Variants in CDH9 observed in about 807,000 individuals in gnomAD.
The protein encoded by CDH9 is cadherin 9.
A neutral mutation model predicts 70.9 loss-of-function variants in CDH9; 28 were observed. That is an observed-to-expected ratio of 0.40 (90% CI 0.29 to 0.54). The LOEUF (loss-of-function observed/expected upper bound fraction) is 0.54, where lower values mean the gene tolerates loss of function less well. Among genes scored for constraint, CDH9 ranks in the 20% least tolerant of loss-of-function variants. CDH9 has a pLI of 0.59. For synonymous variants in CDH9, 409 were observed against 343.1 expected, an observed-to-expected ratio of 1.19 and a Z score of -2.12; for missense variants, 874 against 984.4, an observed-to-expected ratio of 0.89 and a Z score of 1.50.
intron 9 of CDH9, among the ~76,000 whole-genome samples, chr5:26,887,106 A>G (rs1355915634): frequency 6.6e-6 from 1 of 152,198 alleles, no homozygotes; most frequent in Admixed American, 6.6e-5. Flanking sequence ...TATATTAATG[A>G]TAATTACATC....
chr5:26,915,413 ACTG>A (rs1741131155), intron 3 of CDH9, among the ~76,000 whole-genome samples: 2 of 152,142 alleles, frequency 1.3e-5, no homozygotes, highest in East Asian at 3.9e-4. Flanking sequence ...AAATGAATTA[ACTG>A]CTATTGATAA....
intron 8 of CDH9, 94 bp from the exon 9 acceptor site, chr5:26,890,051 T>G: frequency 8.7e-7 from 1 of 1,147,160 alleles, no homozygotes; most frequent in Non-Finnish European, 1.3e-6. Context: ...ATCCTTTTTG[T>G]GGTGTTCACT....
intron 2 of CDH9, among the ~76,000 whole-genome samples, chr5:26,932,549 A>G (rs1423681545): frequency 6.6e-6 from 1 of 152,120 alleles, no homozygotes; most frequent in Non-Finnish European, 1.5e-5. Context: ...TCATTATGTA[A>G]TGTTCCAACT....
At chr5:26,968,376 C>A (rs1164802319) in intron 2 of CDH9, among the ~76,000 whole-genome samples, 7 of 152,030 alleles carry the variant, frequency 4.6e-5, no homozygotes, top group Admixed American at 2.0e-4. Context: ...ACCTCCACAT[C>A]TCAGGTTCAA....
chr5:26,965,574 TTAATAATAA>T (rs59563835), intron 2 of CDH9, among the ~76,000 whole-genome samples: 7 of 146,734 alleles, frequency 4.8e-5, no homozygotes, highest in East Asian at 2.0e-4. Flanking sequence ...AGACTCTGTC[TTAATAATAA>T]TAATAATAAT....
intron 2 of CDH9, among the ~76,000 whole-genome samples, chr5:26,976,430 A>C (rs936157415): frequency 1.3e-5 from 2 of 151,158 alleles, no homozygotes; most frequent in Non-Finnish European, 2.9e-5. Context: ...AGGTTATTTT[A>C]CAGTCCTCTA....
chr5:26,933,791 T>C (rs535601514), intron 2 of CDH9, among the ~76,000 whole-genome samples: 92 of 150,060 alleles, frequency 6.1e-4, no homozygotes, highest in African/African-American at 2.2e-3. Flanking sequence ...TAAAATAAAA[T>C]AAAATAAAAT....
At chr5:26,930,462 G>A (rs9293252) in intron 2 of CDH9, among the ~76,000 whole-genome samples, 14,569 of 151,882 alleles carry the variant, frequency 0.096, 877 homozygotes, top group East Asian at 0.17. Context: ...CATATATTTG[G>A]GTTTCACATC....
chr5:27,038,339 GT>G (rs1432980671), intron 1 of CDH9, 123 bp downstream of exon 1: 2 of 145,374 alleles, frequency 1.4e-5, no homozygotes, highest in African/African-American at 5.7e-5. Flanking sequence ...GCTTCCAAGT[GT>G]TGAGAGAGAG....
At chr5:26,947,819 C>T (rs1741779159) in intron 2 of CDH9, among the ~76,000 whole-genome samples, 1 of 152,124 alleles carries the variant, frequency 6.6e-6, no homozygotes, top group Non-Finnish European at 1.5e-5. Flanking sequence ...GAATCTCTAG[C>T]CTCCATCACT....
At chr5:26,937,988 T>C (rs892352161) in intron 2 of CDH9, among the ~76,000 whole-genome samples, 3 of 152,112 alleles carry the variant, frequency 2.0e-5, no homozygotes, top group Non-Finnish European at 2.9e-5. Flanking sequence ...CTTTAGTTAA[T>C]AATAATATAG....
intron 1 of CDH9, among the ~76,000 whole-genome samples, chr5:27,014,426 T>C (rs1743011434): frequency 6.6e-6 from 1 of 151,954 alleles, no homozygotes; most frequent in African/African-American, 2.4e-5. Context: ...CTGTGAAAGC[T>C]GGACTTTGAC....
intron 1 of CDH9, among the ~76,000 whole-genome samples, chr5:27,016,466 C>T (rs941315254): frequency 4.0e-5 from 6 of 151,774 alleles, no homozygotes; most frequent in Admixed American, 1.3e-4. Flanking sequence ...TTCCAATATG[C>T]TTAAAATGCA....
chr5:27,010,613 C>A (rs972198428), intron 1 of CDH9, among the ~76,000 whole-genome samples: 10 of 152,120 alleles, frequency 6.6e-5, no homozygotes, highest in African/African-American at 2.4e-4. Context: ...CAGGATCTGC[C>A]TTCCAAGTTA....
In CDH9 at chr5:27,020,749, A is replaced by C. The variant is rs540456731; in HGVS notation, c.-50+17714T>G. Among the ~76,000 whole-genome samples the C allele has an allele frequency of 9.9e-3, 1,397 of 141,648 alleles. 28 individuals carry two copies. The highest frequency in any genetic ancestry group is 0.038 in the African/African-American group (1,318 of 35,050). The allele number at this position is 141,648 out of a possible 152,430, so 92.9% of individuals were successfully genotyped here. A position where few individuals can be genotyped will look rare whatever the true frequency, so the allele number is the denominator to read the frequency against. The stretch of plus-strand genomic sequence containing the variant: ...ACACGCACACACACACACACACACT[A>C]TATATATATATATATGCCTAGTGTT... On this transcript the variant is annotated intron_variant, in intron 1 of 11. Transcript: ENST00000231021.
intron 1 of CDH9, among the ~76,000 whole-genome samples, chr5:27,030,163 C>G (rs1470619384): frequency 3.3e-5 from 5 of 151,916 alleles, no homozygotes; most frequent in Admixed American, 3.3e-4. Context: ...AGTACTTCTC[C>G]TCGTTCTACT....
chr5:26,950,158 T>A (rs1741819775), intron 2 of CDH9, among the ~76,000 whole-genome samples: 1 of 152,164 alleles, frequency 6.6e-6, no homozygotes, highest in Non-Finnish European at 1.5e-5. Flanking sequence ...TTATTGCTAC[T>A]GGGTATAGAA....
chr5:26,885,370 T>C (rs1740545661), intron 11 of CDH9, among the ~76,000 whole-genome samples: 1 of 152,154 alleles, frequency 6.6e-6, no homozygotes, highest in South Asian at 2.1e-4. Context: ...TGCTATAAAG[T>C]ATATATTTTT....
chr5:26,959,417 G>A (rs1003854571), intron 2 of CDH9, among the ~76,000 whole-genome samples: 22 of 152,166 alleles, frequency 1.4e-4, no homozygotes, highest in Middle Eastern at 3.4e-3. Flanking sequence ...GCATATAAGT[G>A]GGTGCAACCA....
Sources: gnomAD v4.1 joint callset for allele counts (sites outside exome capture counted in the v4.1 genomes callset) on GRCh38, gnomAD v4.1.1 for gene constraint, MANE v1.5 for transcripts, NCBI Gene and HGNC (gene_info 2026-07-23, HGNC 2026-07-21) for gene names.